Variants in FGGY observed in about 807,000 individuals in gnomAD.
FGGY encodes FGGY carbohydrate kinase domain-containing protein.
In FGGY, 72 loss-of-function variants were observed where a neutral mutation model predicts 71.3. The observed-to-expected ratio is 1.01, with a 90% CI of 0.84 to 1.23. The LOEUF (loss-of-function observed/expected upper bound fraction) is 1.23. FGGY is among the 50% of genes most tolerant of loss of function. The pLI is 0.00. For missense variants in FGGY, 668 were observed against 682.3 expected (o/e 0.98, Z 0.23); for synonymous variants, 251 against 250.3 (o/e 1.00, Z -0.02).
intron 9 of FGGY, among the ~76,000 whole-genome samples, chr1:59,609,610 A>G (rs1283480973): frequency 6.6e-6 from 1 of 152,242 alleles, no homozygotes; most frequent in Non-Finnish European, 1.5e-5. Flanking sequence ...TTACTGTTAA[A>G]TTGGAAATAT....
At chr1:59,743,517 G>T (rs562478392) in intron 14 of FGGY, among the ~76,000 whole-genome samples, 2 of 152,050 alleles carry the variant, frequency 1.3e-5, no homozygotes, top group East Asian at 3.9e-4. Flanking sequence ...AGGAAACTGG[G>T]ATCCAAAGAA....
At chr1:59,315,216 T>C (rs183900217) in intron 1 of FGGY, among the ~76,000 whole-genome samples, 225 of 152,306 alleles carry the variant, frequency 1.5e-3, no homozygotes, top group African/African-American at 4.1e-3. Flanking sequence ...TAATAGACTT[T>C]TCTGGGGCAG....
intron 1 of FGGY, among the ~76,000 whole-genome samples, chr1:59,320,642 A>C (rs540536737): frequency 5.9e-5 from 9 of 152,340 alleles, no homozygotes; most frequent in African/African-American, 2.2e-4. Context: ...GGGGTCTGTA[A>C]GGAAAACAGA....
rs796937163 is a variant in FGGY, at chr1:59,569,021, TG to T, written c.903+14796del. 5.3e-5 allele frequency among the ~76,000 whole-genome samples: 8 copies of T among 152,218 alleles called. No homozygotes were observed. In the South Asian group the frequency reaches 8.3e-4, roughly 16 times the overall value. ...AAAAAAGGCTGCTCATTTTTATGCA[TG>T]GTATGTAAAGAAGAGGAATTTGGGG... On this transcript the variant is annotated intron_variant, in intron 8 of 15. Transcript: ENST00000303721.
At chr1:59,477,462 AC>A (rs1460582763) in intron 6 of FGGY, among the ~76,000 whole-genome samples, 1 of 152,042 alleles carries the variant, frequency 6.6e-6, no homozygotes, top group African/African-American at 2.4e-5. Flanking sequence ...GTTGCCATGA[AC>A]CCTATTGATC....
chr1:59,596,085 T>G (rs888476112), intron 8 of FGGY, among the ~76,000 whole-genome samples: 2 of 152,340 alleles, frequency 1.3e-5, no homozygotes, highest in South Asian at 2.1e-4. Flanking sequence ...CCGGATCCAC[T>G]TTCCCTCTGA....
At chr1:59,448,099 T>G (rs2071741941) in intron 5 of FGGY, among the ~76,000 whole-genome samples, 1 of 152,152 alleles carries the variant, frequency 6.6e-6, no homozygotes, top group Admixed American at 6.5e-5. Flanking sequence ...CTGCTGCTAT[T>G]TAGGTTTTAC....
chr1:59,331,058 G>A (rs534959201), intron 2 of FGGY, among the ~76,000 whole-genome samples: 3 of 151,970 alleles, frequency 2.0e-5, no homozygotes, highest in Non-Finnish European at 4.4e-5. Context: ...GCACATATAG[G>A]TGCTTAATAT....
intron 6 of FGGY, among the ~76,000 whole-genome samples, chr1:59,477,645 G>C (rs17119503): frequency 0.096 from 14,533 of 152,086 alleles, 1,217 homozygotes; most frequent in African/African-American, 0.22. Flanking sequence ...ATTTTCATAC[G>C]CTTTTAGCTG....
rs1454497705 is a variant in FGGY at position 59,687,710 on chromosome 1, CA to C, written c.1512+13578del. On this transcript the variant is annotated intron_variant, in intron 14 of 15. Coordinates refer to ENST00000303721, the MANE Select transcript of FGGY (RefSeq NM_018291.5). ...ACCTCGATCTCCTGACCTCGTGATC[CA>C]CCCACCTCGGCCTCCTAAAGTGCTG... is the stretch of plus-strand genomic sequence containing the variant. 7.2e-5 allele frequency among the ~76,000 whole-genome samples: 11 copies of C among 151,870 alleles called. No homozygotes were observed. The East Asian group carries it at 2.1e-3, about 29-fold the overall frequency.
intron 14 of FGGY, among the ~76,000 whole-genome samples, chr1:59,685,097 C>T (rs1227848114): frequency 6.6e-6 from 1 of 152,204 alleles, no homozygotes; most frequent in Non-Finnish European, 1.5e-5. Flanking sequence ...GGCTCCAGCC[C>T]TGCCCTCTGC....
At chr1:59,517,830 G>A (rs890121325) in intron 7 of FGGY, among the ~76,000 whole-genome samples, 2 of 152,220 alleles carry the variant, frequency 1.3e-5, no homozygotes, top group African/African-American at 4.8e-5. Flanking sequence ...TTCCCTCCAT[G>A]AGGAACGGAT....
chr1:59,576,404 T>G (rs1571506528), intron 8 of FGGY, among the ~76,000 whole-genome samples: 2 of 147,540 alleles, frequency 1.4e-5, no homozygotes, highest in African/African-American at 5.0e-5. Context: ...AGTCGGGGGG[T>G]AGGGGGAAAG....
intron 14 of FGGY, among the ~76,000 whole-genome samples, chr1:59,691,347 C>T (rs967939288): frequency 2.0e-5 from 3 of 152,206 alleles, no homozygotes; most frequent in African/African-American, 7.2e-5. Context: ...GTCTGTGTTA[C>T]TGTCAAACAT....
At chr1:59,400,755 A>C (rs1450980993) in intron 5 of FGGY, among the ~76,000 whole-genome samples, 1 of 151,306 alleles carries the variant, frequency 6.6e-6, no homozygotes, top group African/African-American at 2.4e-5. Context: ...AACTAAACCA[A>C]ATATTTTATA....
chr1:59,530,055 G>C (rs2095098186), intron 7 of FGGY, among the ~76,000 whole-genome samples: 1 of 152,038 alleles, frequency 6.6e-6, no homozygotes, highest in African/African-American at 2.4e-5. Context: ...AAGGCAGTCA[G>C]GGTAATTCAT....
At chr1:59,524,589 C>T (rs2094926223) in intron 7 of FGGY, among the ~76,000 whole-genome samples, 1 of 152,218 alleles carries the variant, frequency 6.6e-6, no homozygotes, top group South Asian at 2.1e-4. Context: ...CACGGACAGA[C>T]TCAGGACTAC....
chr1:59,363,001 A>G (rs2055884471), intron 4 of FGGY, among the ~76,000 whole-genome samples: 1 of 152,192 alleles, frequency 6.6e-6, no homozygotes, highest in South Asian at 2.1e-4. Context: ...GAGATAGATG[A>G]ATGAATTATA....
At position 59,671,713 on chromosome 1, in the gene FGGY, T is replaced by C. The variant is rs143788425; in HGVS notation, c.1418-2326T>C. On this transcript the variant is annotated intron_variant, in intron 13 of 15. Coordinates refer to ENST00000303721, the MANE Select transcript of FGGY (RefSeq NM_018291.5). ...CACCATTTTAAGAGCCTTATTATAA[T>C]AGCAGTTTTAATTCTCACAGCAACT... Among the ~76,000 whole-genome samples the C allele has an allele frequency of 1.1e-3, 175 of 152,350 alleles. 3 individuals are homozygous for C. The highest frequency in any genetic ancestry group is 4.0e-3 in the African/African-American group (167 of 41,590).
Sources: gnomAD v4.1 joint callset for allele counts (sites outside exome capture counted in the v4.1 genomes callset) on GRCh38, gnomAD v4.1.1 for gene constraint, MANE v1.5 for transcripts, NCBI Gene and HGNC (gene_info 2026-07-23, HGNC 2026-07-21) for gene names.